Variants in METTL15 observed in about 807,000 individuals in gnomAD.
The protein encoded by METTL15 is methyltransferase 15, mitochondrial 12S rRNA N4-cytidine.
In METTL15, 34 loss-of-function variants were observed where a neutral mutation model predicts 38.3. The observed-to-expected ratio is 0.89, with a 90% CI of 0.68 to 1.18. The LOEUF is 1.18. Among genes scored for constraint, METTL15 ranks in the 50% most tolerant of loss-of-function variants. METTL15 has a pLI of 0.00. For synonymous variants in METTL15, 162 were observed against 170.9 expected, an observed-to-expected ratio of 0.95 and a Z score of 0.41; for missense variants, 438 against 498.4, an observed-to-expected ratio of 0.88 and a Z score of 1.15.
chr11:28,224,329 G>T (rs1429696223), intron 4 of METTL15, among the ~76,000 whole-genome samples: 1 of 151,736 alleles, frequency 6.6e-6, no homozygotes, highest in African/African-American at 2.4e-5. Context: ...GCATTTTAAA[G>T]AATTGACATC....
chr11:28,286,406 G>A (rs1440832666), intron 4 of METTL15, among the ~76,000 whole-genome samples: 1 of 152,134 alleles, frequency 6.6e-6, no homozygotes, highest in African/African-American at 2.4e-5. Flanking sequence ...TACCATGGAT[G>A]TGATCAATCT....
intron 6 of METTL15, among the ~76,000 whole-genome samples, chr11:28,482,215 T>C (rs968640055): frequency 7.9e-5 from 12 of 152,248 alleles, no homozygotes; most frequent in African/African-American, 2.7e-4. Context: ...TCAGGAGCCC[T>C]AGCCTTTTCC....
intron 3 of METTL15, among the ~76,000 whole-genome samples, chr11:28,171,773 C>CCT (rs373840016): frequency 2.9e-4 from 43 of 147,900 alleles, no homozygotes; most frequent in Middle Eastern, 3.5e-3. Flanking sequence ...CTGCCCGCCG[C>CCT]CTCTCTCTCT....
chr11:28,240,399 A>G (rs1854242090), intron 4 of METTL15, among the ~76,000 whole-genome samples: 1 of 152,236 alleles, frequency 6.6e-6, no homozygotes, highest in Non-Finnish European at 1.5e-5. Context: ...ATGAAACTAT[A>G]GTTGTAAAAA....
At chr11:28,188,786 A>G (rs905977554) in intron 3 of METTL15, among the ~76,000 whole-genome samples, 5 of 151,232 alleles carry the variant, frequency 3.3e-5, no homozygotes, top group African/African-American at 9.7e-5. Context: ...TGTAAATGGT[A>G]TAAGTATAGG....
intron 6 of METTL15, among the ~76,000 whole-genome samples, chr11:28,490,784 G>A (rs1851488118): frequency 6.6e-6 from 1 of 152,078 alleles, no homozygotes; most frequent in South Asian, 2.1e-4. Flanking sequence ...ACAAATGTTA[G>A]CCTTTTAAAA....
chr11:28,378,239 G>T (rs1025708890), intron 5 of METTL15, among the ~76,000 whole-genome samples: 2 of 152,204 alleles, frequency 1.3e-5, no homozygotes, highest in African/African-American at 4.8e-5. Flanking sequence ...GCAATGGCGG[G>T]CGCCCCTCCC....
chr11:28,448,588 C>T (rs1851093872), intron 6 of METTL15, among the ~76,000 whole-genome samples: 1 of 152,144 alleles, frequency 6.6e-6, no homozygotes, highest in Non-Finnish European at 1.5e-5. Flanking sequence ...CCAATCTCAT[C>T]TTGCTTTTAT....
intron 6 of METTL15, among the ~76,000 whole-genome samples, chr11:28,300,070 G>C (rs533245108): frequency 1.3e-5 from 2 of 152,100 alleles, no homozygotes; most frequent in African/African-American, 4.8e-5. Flanking sequence ...CTTATTTCTA[G>C]GTCAGATCAC....
chr11:28,143,964 C>A (rs546264696), intron 3 of METTL15, among the ~76,000 whole-genome samples: 1 of 152,238 alleles, frequency 6.6e-6, no homozygotes, highest in Non-Finnish European at 1.5e-5. Context: ...TTTGACATTT[C>A]ATTTCCAGGT....
intron 6 of METTL15, among the ~76,000 whole-genome samples, chr11:28,436,282 G>A (rs1850981330): frequency 6.6e-6 from 1 of 152,084 alleles, no homozygotes; most frequent in South Asian, 2.1e-4. Context: ...CATCTTTTAA[G>A]TTTTAGTTAT....
At chr11:28,342,434 T>G (rs1276073968) in intron 3 of METTL15, among the ~76,000 whole-genome samples, 2 of 151,836 alleles carry the variant, frequency 1.3e-5, no homozygotes, top group African/African-American at 4.8e-5. Context: ...GGCTAATTTT[T>G]TTTTTTTTTG....
intron 5 of METTL15, among the ~76,000 whole-genome samples, chr11:28,384,827 T>A (rs1336930422): frequency 1.3e-5 from 2 of 152,190 alleles, no homozygotes; most frequent in African/African-American, 4.8e-5. Context: ...TTTTTAATAC[T>A]TGCCATTTTG....
At chr11:28,445,174 A>T (rs367595673) in intron 6 of METTL15, among the ~76,000 whole-genome samples, 10 of 152,194 alleles carry the variant, frequency 6.6e-5, no homozygotes, top group African/African-American at 2.4e-4. Flanking sequence ...GGAGCAACAC[A>T]CCTAAGTCAG....
chr11:28,140,687 G>A (rs1380817465), intron 3 of METTL15, among the ~76,000 whole-genome samples: 2 of 152,148 alleles, frequency 1.3e-5, no homozygotes, highest in Non-Finnish European at 2.9e-5. Flanking sequence ...AGGTGAAAAG[G>A]AAAGCTCTCA....
intron 5 of METTL15, among the ~76,000 whole-genome samples, chr11:28,362,606 C>T (rs185757045): frequency 2.0e-4 from 30 of 152,302 alleles, no homozygotes; most frequent in African/African-American, 7.2e-4. Flanking sequence ...TGTGTTTTTG[C>T]ATTAGGTCAC....
At chr11:28,246,534 A>G (rs1854520456) in intron 4 of METTL15, among the ~76,000 whole-genome samples, 1 of 152,156 alleles carries the variant, frequency 6.6e-6, no homozygotes, top group Non-Finnish European at 1.5e-5. Flanking sequence ...TAACTGAGCT[A>G]ATAAATGTTA....
At chr11:28,397,482 G>T (rs1850583911) in intron 5 of METTL15, among the ~76,000 whole-genome samples, 1 of 152,142 alleles carries the variant, frequency 6.6e-6, no homozygotes, top group African/African-American at 2.4e-5. Context: ...AAAGACACAT[G>T]AAAAAATGCT....
Position 28,507,446 on chromosome 11 carries a change from G to T in METTL15, c.*425-19032G>T, listed in dbSNP as rs185796100. 7.9e-3 allele frequency among the ~76,000 whole-genome samples: 1,207 copies of T among 152,202 alleles called. 23 individuals are homozygous for T. The highest frequency in any genetic ancestry group is 0.027 in the African/African-American group (1,135 of 41,540). On this transcript the variant is annotated intron_variant and NMD_transcript_variant, in intron 6 of 7. Transcript: ENST00000532947. ...CCCACCAGGCCCCTCCTCCAACACAGGGGATTACAATTTGACCTGAGACTT... is the reference window on the plus strand; with the variant it reads ...CCCACCAGGCCCCTCCTCCAACACATGGGATTACAATTTGACCTGAGACTT...
Sources: gnomAD v4.1 joint callset for allele counts (sites outside exome capture counted in the v4.1 genomes callset) on GRCh38, gnomAD v4.1.1 for gene constraint, MANE v1.5 for transcripts, NCBI Gene and HGNC (gene_info 2026-07-23, HGNC 2026-07-21) for gene names.